MSANTD1: variants seen among roughly 807,000 people sequenced by gnomAD.
MSANTD1 encodes Myb/SANT DNA binding domain containing 1.
A neutral mutation model predicts 24.2 loss-of-function variants in MSANTD1; 7 were observed. That is an observed-to-expected ratio of 0.29 (90% CI 0.16 to 0.54). The LOEUF (loss-of-function observed/expected upper bound fraction) is 0.54. MSANTD1 is among the 20% of genes least tolerant of loss of function. The pLI is 0.94. For synonymous variants in MSANTD1, 177 were observed against 181.1 expected (o/e 0.98, Z 0.18); for missense variants, 384 against 408.2 (o/e 0.94, Z 0.51).
upstream of MSANTD1, chr4:3,248,489 C>T (rs915334220): frequency 6.6e-6 from 1 of 152,584 alleles, no homozygotes. Context: ...TCACTGCTGT[C>T]CTCACCGGCC....
At chr4:3,249,767 A>T (rs767383264) in intron 1 of MSANTD1, among the ~76,000 whole-genome samples, 1 of 152,244 alleles carries the variant, frequency 6.6e-6, no homozygotes, top group Non-Finnish European at 1.5e-5. Context: ...AGGCCCAGCA[A>T]GGGCAGGAAA....
rs1273775982 is a variant in MSANTD1 at position 3,256,071 on chromosome 4, G to T, written c.*106G>T. 7 of 1,334,886 alleles carry T rather than the reference G, an allele frequency of 5.2e-6. No individual in the cohort carries two copies. The African/African-American group carries it at 7.8e-5, about 15-fold the overall frequency. The allele number at this position is 1,334,886 out of a possible 1,614,324, so 82.7% of individuals were successfully genotyped here. The stretch of plus-strand genomic sequence containing the variant: ...CGGGCAAGGGGGCCGCCCCGCGAGC[G>T]GAGACCGCCTTCCACCTGGCCTCTG... On this transcript the variant is annotated 3_prime_UTR_variant, in exon 3 of 3. Transcript: ENST00000438480.
intron 2 of MSANTD1, among the ~76,000 whole-genome samples, chr4:3,254,952 G>T (rs1487135445): frequency 6.6e-6 from 1 of 152,176 alleles, no homozygotes; most frequent in Non-Finnish European, 1.5e-5. Flanking sequence ...CTTCCCTACA[G>T]GGGTCCTGAG....
At position 3,253,227 on chromosome 4, in the gene MSANTD1, A is replaced by G; in HGVS notation, c.341A>G (p.Asp114Gly). The G allele has an allele frequency of 4.5e-6, 7 of 1,569,310 alleles. No homozygotes were observed. The highest frequency in any genetic ancestry group is 5.2e-6 in the Non-Finnish European group (6 of 1,152,816). ...FQYRKLKCMT[D>G]SESAPPDWPY... ...TTCAGGAAATTAAAATGCATGACAG[A>G]TAGCGAGTCCGCCCCGCCCGACTGG... is the stretch of plus-strand genomic sequence containing the variant. Residue 114 changes from aspartate to glycine, a missense_variant, in exon 2 of 3, where the codon GAT becomes GGT. Physicochemically the swap from Asp to Gly is moderately conservative, Grantham distance 94 (BLOSUM62 -1). Coordinates refer to ENST00000438480, the MANE Select transcript of MSANTD1 (RefSeq NM_001042690.2).
At chr4:3,253,828 A>G (rs1301619939) in intron 2 of MSANTD1, among the ~76,000 whole-genome samples, 1 of 152,234 alleles carries the variant, frequency 6.6e-6, no homozygotes, top group African/African-American at 2.4e-5. Context: ...GGCCCGGCAC[A>G]CGGAGGGAGA....
At chr4:3,247,015 G>T (rs1722049609), upstream of MSANTD1, among the ~76,000 whole-genome samples, 1 of 152,162 alleles carries the variant, frequency 6.6e-6, no homozygotes, top group South Asian at 2.1e-4. Context: ...GAGCCGTCCG[G>T]TGGGGGCCCC....
upstream of MSANTD1, chr4:3,246,634 G>A (rs141929664): frequency 5.7e-6 from 4 of 696,432 alleles, no homozygotes; most frequent in Admixed American, 2.0e-5. Context: ...ACCCCGTAGC[G>A]ACTGAGGGTC....
chr4:3,248,233 C>G (rs1187170812), upstream of MSANTD1: 25 of 152,306 alleles, frequency 1.6e-4, no homozygotes, highest in Admixed American at 1.6e-3. Flanking sequence ...GGGCTCTCGG[C>G]AGGCTGTGGT....
chr4:3,253,933 GTGTCGGGC>G (rs1722309789), intron 2 of MSANTD1, among the ~76,000 whole-genome samples: 1 of 152,202 alleles, frequency 6.6e-6, no homozygotes, highest in African/African-American at 2.4e-5. Context: ...ACTGGGGAGG[GTGTCGGGC>G]TGCACCTCAT....
chr4:3,251,546 A>G (rs964380445), intron 1 of MSANTD1, among the ~76,000 whole-genome samples: 2 of 152,176 alleles, frequency 1.3e-5, no homozygotes, highest in Non-Finnish European at 2.9e-5. Context: ...CCGAGGGGGA[A>G]GCTGAGGCCC....
chr4:3,249,154 C>G, upstream of MSANTD1: 1 of 1,287,678 alleles, frequency 7.8e-7, no homozygotes, highest in Non-Finnish European at 9.9e-7. Flanking sequence ...AAATTCCTGC[C>G]TGTCAGATGT....
upstream of MSANTD1, chr4:3,249,038 C>T (rs113697979): frequency 1.9e-3 from 973 of 513,610 alleles, 5 homozygotes; most frequent in African/African-American, 0.017. Context: ...GCCCTGATTC[C>T]TGTGCTTTCA....
chr4:3,249,847 C>T (rs1722165369), intron 1 of MSANTD1, among the ~76,000 whole-genome samples: 4 of 152,256 alleles, frequency 2.6e-5, no homozygotes, highest in Admixed American at 2.6e-4. Flanking sequence ...GCTCCCAGGA[C>T]GTATGGGCGG....
At position 3,255,820 on chromosome 4, in the gene MSANTD1, G is replaced by A. The variant is rs866915375; in HGVS notation, c.692G>A (p.Arg231His). 5.2e-6 allele frequency: 8 copies of A among 1,546,044 alleles called. No homozygotes were observed. Among genetic ancestry groups the A allele is most frequent in the Middle Eastern group, 4.2e-4 (2 of 4,782 alleles). The change falls in exon 3 of 3, where the codon CGC becomes CAC. Residue 231 changes from arginine to histidine, a missense_variant. Arg to His is a conservative substitution (Grantham distance 29). Coordinates refer to ENST00000438480, the MANE Select transcript of MSANTD1 (RefSeq NM_001042690.2). ...RLLEAMVEEQ[R>H]RLSRAVEETC... ...CTGGAGGCCATGGTGGAGGAGCAGC[G>A]CCGGCTGAGCCGCGCCGTGGAGGAG...
upstream of MSANTD1, chr4:3,246,544 C>A: frequency 1.7e-6 from 1 of 600,226 alleles, no homozygotes; most frequent in Non-Finnish European, 3.0e-6. Context: ...CAGGTCTGCA[C>A]CAGGGACAGC....
chr4:3,248,443 TC>T (rs1355340376), upstream of MSANTD1: 1 of 152,886 alleles, frequency 6.5e-6, no homozygotes, highest in Admixed American at 6.5e-5. Context: ...CTGGGCTGAT[TC>T]CCTCCTGTGT....
In MSANTD1 at chr4:3,249,261, G is replaced by T. The variant is rs889402244; in HGVS notation, c.39G>T (p.Ala13=). Residue 13 remains alanine (A), a synonymous_variant, in exon 1 of 3, where the codon GCG becomes GCT. Transcript: ENST00000438480. ...RGAGPGPSLS[A]LSHPTGASGM... The stretch of plus-strand genomic sequence containing the variant: ...CCGGGCCGGGGCCCTCGCTGAGCGC[G>T]CTCTCTCACCCCACAGGCGCCTCCG... The T allele has an allele frequency of 6.8e-7, 1 of 1,481,292 alleles. No individual in the cohort carries two copies. The highest frequency in any genetic ancestry group is 2.3e-5 in the Admixed American group (1 of 43,010). 91.8% of individuals were successfully genotyped at this position (1,481,292 alleles called of 1,614,324 possible).
intron 2 of MSANTD1, among the ~76,000 whole-genome samples, chr4:3,254,167 G>A (rs1463579033): frequency 6.6e-6 from 1 of 152,228 alleles, no homozygotes; most frequent in Non-Finnish European, 1.5e-5. Flanking sequence ...AGGTAAAATA[G>A]AAGTTGGCCA....
In MSANTD1 at chr4:3,254,427, C is replaced by T. The variant is rs557764983; in HGVS notation, c.596+945C>T. On this transcript the variant is annotated intron_variant, in intron 2 of 2. Coordinates refer to ENST00000438480, the MANE Select transcript of MSANTD1 (RefSeq NM_001042690.2). ...GCCTGAGATTTGTGGCTGTTGTTCC[C>T]GTGGACTGAGCCCAGTTCTCAGACT... 5.1e-4 allele frequency among the ~76,000 whole-genome samples: 77 copies of T among 152,320 alleles called. 1 individual carries two copies. The highest frequency in any genetic ancestry group is 1.4e-3 in the South Asian group (7 of 4,832).
Sources: gnomAD v4.1 joint callset for allele counts (sites outside exome capture counted in the v4.1 genomes callset) on GRCh38, gnomAD v4.1.1 for gene constraint, MANE v1.5 for transcripts, NCBI Gene and HGNC (gene_info 2026-07-23, HGNC 2026-07-21) for gene names.